The following TRABD2A variants were observed in gnomAD, a reference collection of about 807,000 sequenced individuals.
TRABD2A encodes the protein metalloprotease TIKI1.
TRABD2A carries 43 observed loss-of-function variants against 45.6 expected under a neutral mutation model. That is an observed-to-expected ratio of 0.94 (90% CI 0.74 to 1.22). TRABD2A has a LOEUF of 1.22. Among genes scored for constraint, TRABD2A ranks in the 50% most tolerant of loss-of-function variants. The probability of loss-of-function intolerance (pLI) is 0.00; values close to 1 mark genes in which losing one functional copy is unlikely to be tolerated. For missense variants in TRABD2A, 642 were observed against 652.4 expected, an observed-to-expected ratio of 0.98 and a Z score of 0.17; for synonymous variants, 269 against 265.0, an observed-to-expected ratio of 1.02 and a Z score of -0.15.
chr2:84,855,894 C>T (rs1682284179), intron 2 of TRABD2A, among the ~76,000 whole-genome samples: 1 of 152,098 alleles, frequency 6.6e-6, no homozygotes, highest in Non-Finnish European at 1.5e-5. Context: ...AACAAAGGCC[C>T]CCCAGCGAGT....
chr2:84,821,975 C>T lies in TRABD2A; in HGVS notation c.1460G>A (p.Trp487Ter). The stretch of plus-strand genomic sequence containing the variant: ...CACCAGCACCCAGAACACAGGAGTC[C>T]AGAGAGACAGGCAGGCACTGCTGGC... The part of the protein sequence containing the change: ...MVASSACLSL[W>*]TPVFWVLVLA... Residue 487 changes from tryptophan to a stop codon, truncating the protein, a stop_gained, in exon 7 of 7, where the codon TGG (tryptophan) becomes TAG (stop). Transcript: ENST00000409520. LOFTEE classifies it high-confidence loss of function. 6.2e-7 allele frequency: 1 copy of T among 1,604,980 alleles called. No individual in the cohort carries two copies.
intron 2 of TRABD2A, among the ~76,000 whole-genome samples, chr2:84,845,572 G>A (rs1030235168): frequency 2.0e-5 from 3 of 152,000 alleles, no homozygotes; most frequent in Non-Finnish European, 2.9e-5. Context: ...GACAAGGGCG[G>A]GGGAAGAAGG....
chr2:84,846,128 C>T (rs750363175), intron 2 of TRABD2A, among the ~76,000 whole-genome samples: 1 of 152,184 alleles, frequency 6.6e-6, no homozygotes, highest in Non-Finnish European at 1.5e-5. Context: ...TGTCACTGAG[C>T]ACTATGGTGA....
chr2:84,850,667 C>T (rs1307207349), intron 2 of TRABD2A: 1 of 152,236 alleles, frequency 6.6e-6, no homozygotes, highest in African/African-American at 2.4e-5. Flanking sequence ...ATCTATGTTA[C>T]TGTATTACCA....
chr2:84,833,882 T>C (rs1681417637), intron 4 of TRABD2A: 1 of 152,280 alleles, frequency 6.6e-6, no homozygotes. Flanking sequence ...CTGTTCCACC[T>C]GCCTGGCAGA....
intron 2 of TRABD2A, among the ~76,000 whole-genome samples, chr2:84,844,560 T>C (rs12463609): frequency 0.31 from 46,619 of 151,968 alleles, 7,549 homozygotes; most frequent in African/African-American, 0.41. Context: ...TACACCCGGG[T>C]GCTTGTCTGC....
At chr2:84,846,920 A>T (rs867701702) in intron 2 of TRABD2A, among the ~76,000 whole-genome samples, 7 of 152,236 alleles carry the variant, frequency 4.6e-5, no homozygotes, top group South Asian at 2.1e-4. Flanking sequence ...GAGGCAGGTC[A>T]CTGCTATCCA....
At chr2:84,861,983 C>CA (rs1682514919) in intron 2 of TRABD2A, among the ~76,000 whole-genome samples, 2 of 152,132 alleles carry the variant, frequency 1.3e-5, no homozygotes, top group Admixed American at 1.3e-4. Flanking sequence ...GGGAGGTACA[C>CA]AAAAAGTGTC....
At chr2:84,828,611 G>A (rs1469726353) in intron 5 of TRABD2A, among the ~76,000 whole-genome samples, 2 of 152,106 alleles carry the variant, frequency 1.3e-5, no homozygotes, top group African/African-American at 4.8e-5. Flanking sequence ...TGGGACCACT[G>A]TATGCACGTT....
intron 2 of TRABD2A, among the ~76,000 whole-genome samples, chr2:84,852,721 G>T (rs961766490): frequency 2.0e-5 from 3 of 152,180 alleles, no homozygotes; most frequent in Admixed American, 2.0e-4. Context: ...CAATGTAGGA[G>T]CAGCCAAAGG....
chr2:84,843,641 C>G (rs950408140), intron 2 of TRABD2A: 2 of 152,430 alleles, frequency 1.3e-5, no homozygotes, highest in African/African-American at 4.8e-5. Context: ...TTGCTGCATC[C>G]TCACATGGAA....
intron 5 of TRABD2A, among the ~76,000 whole-genome samples, chr2:84,826,537 T>C (rs1681150416): frequency 6.6e-6 from 1 of 152,144 alleles, no homozygotes; most frequent in South Asian, 2.1e-4. Flanking sequence ...CCATCTTTTG[T>C]TTTGTTTTGT....
At chr2:84,839,445 C>T in intron 3 of TRABD2A, 122 bp from the exon 4 acceptor site, 2 of 938,474 alleles carry the variant, frequency 2.1e-6, no homozygotes, top group Non-Finnish European at 3.1e-6. Context: ...AGAGTGACAC[C>T]ATTCTTGGAG....
intron 1 of TRABD2A, among the ~76,000 whole-genome samples, chr2:84,877,236 G>A (rs1402845393): frequency 2.0e-5 from 3 of 151,630 alleles, no homozygotes; most frequent in Non-Finnish European, 4.4e-5. Context: ...TACTGTACTG[G>A]TGCAACTGCC....
chr2:84,860,193 CTT>C (rs1682452992), intron 2 of TRABD2A, among the ~76,000 whole-genome samples: 1 of 152,146 alleles, frequency 6.6e-6, no homozygotes, highest in Non-Finnish European at 1.5e-5. Context: ...GTTGCTCAAA[CTT>C]TGCAACTTTA....
intron 2 of TRABD2A, among the ~76,000 whole-genome samples, chr2:84,846,627 A>C (rs891846841): frequency 2.0e-5 from 3 of 152,234 alleles, no homozygotes; most frequent in African/African-American, 7.2e-5. Context: ...CTCCATGATG[A>C]GCCTCAAAGA....
intron 2 of TRABD2A, among the ~76,000 whole-genome samples, chr2:84,861,799 C>T (rs1026353430): frequency 2.6e-5 from 4 of 152,200 alleles, no homozygotes; most frequent in African/African-American, 9.7e-5. Context: ...GCCCAAAGCA[C>T]CCGCAAGAGC....
intron 5 of TRABD2A, among the ~76,000 whole-genome samples, 198 bp downstream of exon 5, chr2:84,831,857 T>C (rs999285511): frequency 2.0e-5 from 3 of 152,182 alleles, no homozygotes; most frequent in Non-Finnish European, 4.4e-5. Context: ...GTGTCCATCC[T>C]GCCAACCACG....
At chr2:84,852,876 C>T (rs567004084) in intron 2 of TRABD2A, among the ~76,000 whole-genome samples, 140 of 152,198 alleles carry the variant, frequency 9.2e-4, no homozygotes, top group African/African-American at 3.3e-3. Context: ...GAGAAGTTTC[C>T]ATTAGCCCAG....
Sources: gnomAD v4.1 joint callset for allele counts (sites outside exome capture counted in the v4.1 genomes callset) on GRCh38, gnomAD v4.1.1 for gene constraint, MANE v1.5 for transcripts, NCBI Gene and HGNC (gene_info 2026-07-23, HGNC 2026-07-21) for gene names.